Variants in ALMS1 observed in about 807,000 individuals in gnomAD.
ALMS1 encodes ALMS1 centrosome and basal body associated protein, also known as centrosome-associated protein ALMS1.
ALMS1 carries 271 observed loss-of-function variants against 352.2 expected under a neutral mutation model. The observed-to-expected ratio is 0.77, with a 90% confidence interval of 0.70 to 0.85. ALMS1 has a LOEUF of 0.85. Among genes scored for constraint, ALMS1 ranks in the 40% least tolerant of loss-of-function variants. ALMS1 has a pLI of 0.00. For missense variants in ALMS1, 5,445 were observed against 4,870.7 expected, an observed-to-expected ratio of 1.12 and a Z score of -3.51; for synonymous variants, 1,865 against 1,761.2, an observed-to-expected ratio of 1.06 and a Z score of -1.48.
At position 73,453,486 on chromosome 2, in the gene ALMS1, A is replaced by T; in HGVS notation, c.6959A>T (p.Gln2320Leu). The change falls in exon 8 of 23, where the codon CAG (glutamine) becomes CTG (leucine). Residue 2320 changes from glutamine to leucine, a missense_variant. Transcript: ENST00000613296. Reference sequence around the variant, plus strand: ...TCTAATGGTGATTTGCTTCACAGACAGCCATTCACAGAGGAAAGCCCAAGC... The same window carrying T: ...TCTAATGGTGATTTGCTTCACAGACTGCCATTCACAGAGGAAAGCCCAAGC... ...GVSNGDLLHR[Q>L]PFTEESPSSR... 1 of 1,613,544 alleles carries T rather than the reference A, an allele frequency of 6.2e-7. No homozygotes were observed. The highest frequency in any genetic ancestry group is 8.5e-7 in the Non-Finnish European group (1 of 1,179,732).
chr2:73,576,645 A>T (rs575563752), intron 16 of ALMS1, among the ~76,000 whole-genome samples: 42 of 147,846 alleles, frequency 2.8e-4, no homozygotes, highest in Non-Finnish European at 5.5e-4. Context: ...TTTGAGACAG[A>T]GTTTCACTCT....
In ALMS1 at chr2:73,492,643, AAGTT is replaced by A. The variant is rs1436473380; in HGVS notation, c.9539+1148_9539+1151del. ...GCTGAAAAGTCCCTTATAGCTCTAA[AAGTT>A]AGGGATTGAGATAATAGATTGGGGC... On this transcript the variant is annotated intron_variant, in intron 10 of 22. Coordinates refer to ENST00000613296, the MANE Select transcript of ALMS1 (RefSeq NM_001378454.1). Among the ~76,000 whole-genome samples the A allele has an allele frequency of 2.0e-5, 3 of 152,204 alleles. No homozygotes were observed. The East Asian group carries it at 5.8e-4, about 29-fold the overall frequency.
rs972527447 is a variant in ALMS1, at chr2:73,556,064, T to C, written c.10079-1156T>C. Among the ~76,000 whole-genome samples the C allele has an allele frequency of 2.6e-5, 4 of 152,318 alleles. No individual in the cohort carries two copies. In the East Asian group the frequency reaches 5.8e-4, roughly 22 times the overall value. ...CTACTGAGAAGTGAGAATGGCATCATTGGGAACACTTTACACAAGAAACAT... is the reference window on the plus strand; with the variant it reads ...CTACTGAGAAGTGAGAATGGCATCACTGGGAACACTTTACACAAGAAACAT... On this transcript the variant is annotated intron_variant, in intron 13 of 22. Transcript: ENST00000613296.
intron 10 of ALMS1, among the ~76,000 whole-genome samples, chr2:73,507,531 A>G (rs1459576605): frequency 6.6e-6 from 1 of 151,992 alleles, no homozygotes; most frequent in East Asian, 1.9e-4. Flanking sequence ...GAATTTATCC[A>G]TTTCTTCTAG....
At chr2:73,606,934 T>G (rs1675829570) in intron 21 of ALMS1, among the ~76,000 whole-genome samples, 1 of 152,238 alleles carries the variant, frequency 6.6e-6, no homozygotes, top group South Asian at 2.1e-4. Flanking sequence ...AAGCACTTGT[T>G]CCAGAGTGGC....
intron 1 of ALMS1, among the ~76,000 whole-genome samples, chr2:73,392,694 G>A (rs1484418630): frequency 1.3e-5 from 2 of 152,040 alleles, no homozygotes; most frequent in African/African-American, 4.8e-5. Flanking sequence ...ACTTTATATG[G>A]CTGAATAATA....
intron 10 of ALMS1, among the ~76,000 whole-genome samples, chr2:73,503,598 C>T (rs1673261247): frequency 1.3e-5 from 2 of 152,062 alleles, no homozygotes; most frequent in Admixed American, 1.3e-4. Context: ...ATTTATAATC[C>T]TTTGGGTATA....
chr2:73,519,798 C>T lies in ALMS1; in HGVS notation c.9563C>T (p.Pro3188Leu). Residue 3188 changes from proline (P) to leucine (L), a missense_variant, in exon 11 of 23, where the codon CCA (proline) becomes CTA (leucine). By Grantham distance (98) the Pro-to-Leu change is moderately conservative. Transcript: ENST00000613296. ...AGATTACCAGAGAAGATGAAGACCC[C>T]ACTTTCTGCTTTCTCTGAAAAATTG... ...ADRLPEKMKT[P>L]LSAFSEKLSS... 6.2e-7 allele frequency: 1 copy of T among 1,614,040 alleles called. No individual in the cohort carries two copies. The highest frequency in any genetic ancestry group is 1.3e-5 in the African/African-American group (1 of 75,032).
In ALMS1 at chr2:73,600,703, C is replaced by CA. The variant is rs1553421626; in HGVS notation, c.11700dup (p.His3901ThrfsTer18). The CA allele has an allele frequency of 3.1e-6, 5 of 1,613,846 alleles. No homozygotes were observed. Among genetic ancestry groups the CA allele is most frequent in the Non-Finnish European group, 4.2e-6 (5 of 1,179,904 alleles). ...GTAACTTGGAGATTGTGAACGGTGC[C>CA]AAAAAACACACTCGAGATGTTGGGA... On this transcript the variant is annotated frameshift_variant, in exon 18 of 23. Coordinates refer to ENST00000613296, the MANE Select transcript of ALMS1 (RefSeq NM_001378454.1). LOFTEE classifies it high-confidence loss of function.
intron 1 of ALMS1, among the ~76,000 whole-genome samples, chr2:73,393,164 A>AATTCTTTATATAT (rs141153613): frequency 0.035 from 5,357 of 152,142 alleles, 308 homozygotes; most frequent in African/African-American, 0.12. Flanking sequence ...GGATTGTAAG[A>AATTCTTTATATAT]ATTCTTTATA....
intron 7 of ALMS1, among the ~76,000 whole-genome samples, chr2:73,440,454 T>TTCTC (rs758891704): frequency 6.6e-6 from 1 of 150,750 alleles, no homozygotes; most frequent in African/African-American, 2.4e-5. Flanking sequence ...TTCGCTGTCT[T>TTCTC]TCTCTCTCTC....
intron 10 of ALMS1, among the ~76,000 whole-genome samples, chr2:73,504,814 G>T (rs1032542103): frequency 6.6e-6 from 1 of 151,926 alleles, no homozygotes; most frequent in Non-Finnish European, 1.5e-5. Flanking sequence ...ATGTGCCATG[G>T]TGGTTTGCTG....
At chr2:73,397,133 A>C (rs933204120) in intron 1 of ALMS1, among the ~76,000 whole-genome samples, 1 of 152,192 alleles carries the variant, frequency 6.6e-6, no homozygotes, top group Non-Finnish European at 1.5e-5. Context: ...GAGGCCCTTC[A>C]TAAGACTGGT....
chr2:73,412,500 C>G (rs1446186383), intron 2 of ALMS1, among the ~76,000 whole-genome samples: 1 of 152,032 alleles, frequency 6.6e-6, no homozygotes, highest in African/African-American at 2.4e-5. Flanking sequence ...TGGCAAATAC[C>G]TAGGAATGGC....
chr2:73,515,016 C>G (rs964169415), intron 10 of ALMS1, among the ~76,000 whole-genome samples: 4 of 152,148 alleles, frequency 2.6e-5, no homozygotes, highest in African/African-American at 9.7e-5. Context: ...TACCCATTAA[C>G]TCATAAATAT....
chr2:73,389,993 C>A (rs1026261549), intron 1 of ALMS1, among the ~76,000 whole-genome samples: 5 of 152,084 alleles, frequency 3.3e-5, no homozygotes, highest in African/African-American at 4.8e-5. Context: ...GGCCTCTAAT[C>A]GTGAACTATC....
intron 11 of ALMS1, among the ~76,000 whole-genome samples, chr2:73,529,039 G>GTT (rs34604396): frequency 0.011 from 1,076 of 99,466 alleles, 13 homozygotes; most frequent in Non-Finnish European, 0.014. Context: ...CCTCAAAGCA[G>GTT]TTTTTTTTTT....
At chr2:73,494,769 AGTG>A (rs1476367725) in intron 10 of ALMS1, among the ~76,000 whole-genome samples, 2 of 152,240 alleles carry the variant, frequency 1.3e-5, no homozygotes, top group Non-Finnish European at 2.9e-5. Flanking sequence ...ACTTGGCTAA[AGTG>A]GTATCTGCTA....
intron 16 of ALMS1, among the ~76,000 whole-genome samples, chr2:73,585,255 A>G (rs539544478): frequency 4.6e-5 from 7 of 152,292 alleles, no homozygotes; most frequent in African/African-American, 1.7e-4. Context: ...CAGTGTAAAA[A>G]TATTCCCTTT....
Sources: gnomAD v4.1 joint callset for allele counts (sites outside exome capture counted in the v4.1 genomes callset) on GRCh38, gnomAD v4.1.1 for gene constraint, MANE v1.5 for transcripts, NCBI Gene and HGNC (gene_info 2026-07-23, HGNC 2026-07-21) for gene names.